KCNJ14: variants seen among roughly 807,000 people sequenced by gnomAD.
KCNJ14 encodes potassium inwardly rectifying channel subfamily J member 14.
In KCNJ14, 18 loss-of-function variants were observed where a neutral mutation model predicts 24.5. That is an observed-to-expected ratio of 0.74 (90% CI 0.51 to 1.09). The LOEUF (loss-of-function observed/expected upper bound fraction) is 1.09. Among genes scored for constraint, KCNJ14 ranks in the 50% least tolerant of loss-of-function variants. KCNJ14 has a pLI of 0.00. For missense variants in KCNJ14, 633 were observed against 623.0 expected (o/e 1.02, Z -0.17); for synonymous variants, 288 against 270.8 (o/e 1.06, Z -0.63).
intron 1 of KCNJ14, 42 bp from the exon 2 acceptor site, chr19:48,461,628 A>G: frequency 4.4e-6 from 3 of 682,442 alleles, no homozygotes; most frequent in South Asian, 2.9e-5. Flanking sequence ...GAGCTCATCC[A>G]TTCCTGTTGC....
rs1971653620 is a variant in KCNJ14, at chr19:48,466,209, C to T, written c.*1432C>T. 1 of 151,460 alleles carries T rather than the reference C, an allele frequency of 6.6e-6. No homozygotes were observed. Among genetic ancestry groups the T allele is most frequent in the Non-Finnish European group, 1.5e-5 (1 of 67,980 alleles). The allele number at this position is 151,460 out of a possible 1,614,324, so 9.4% of individuals were successfully genotyped here. A position where few individuals can be genotyped will look rare whatever the true frequency, so the allele number is the denominator to read the frequency against. ...TTTCTCCTGCCTCAGTCTCCTGAGTCGCTGGGATTACAGGCATGAGCCACT... is the reference window on the plus strand; with the variant it reads ...TTTCTCCTGCCTCAGTCTCCTGAGTTGCTGGGATTACAGGCATGAGCCACT... On this transcript the variant is annotated 3_prime_UTR_variant, in exon 3 of 3. Transcript: ENST00000342291.
chr19:48,460,893 G>A (rs1971586941), intron 1 of KCNJ14, among the ~76,000 whole-genome samples: 3 of 152,000 alleles, frequency 2.0e-5, no homozygotes, highest in African/African-American at 7.2e-5. Context: ...GGGTGGCTCA[G>A]GCCTGTAATC....
In KCNJ14 at chr19:48,464,990, C is replaced by T; in HGVS notation, c.*213C>T. On this transcript the variant is annotated 3_prime_UTR_variant, in exon 3 of 3. Coordinates refer to ENST00000342291, the MANE Select transcript of KCNJ14 (RefSeq NM_013348.4). ...CTGCTTCTGTGCTCCCTCCTGAGAA[C>T]CCTTTATGAGCCTGATTCCTCAGTC... 1.8e-6 allele frequency: 1 copy of T among 570,092 alleles called. No individual in the cohort carries two copies. The highest frequency in any genetic ancestry group is 3.1e-6 in the Non-Finnish European group (1 of 319,800). 35.3% of individuals were successfully genotyped at this position (570,092 alleles called of 1,614,324 possible). A position where few individuals can be genotyped will look rare whatever the true frequency, so the allele number is the denominator to read the frequency against.
chr19:48,461,898 C>T lies in KCNJ14; in HGVS notation c.174C>T (p.His58=), dbSNP rs747154078. 5.6e-6 allele frequency: 9 copies of T among 1,603,400 alleles called. No individual in the cohort carries two copies. In the Admixed American group the frequency reaches 1.0e-4, roughly 18 times the overall value. The part of the protein sequence containing the change: ...RRGRFVKKDG[H]CNVRFVNLGG... ...GTCGCTTCGTCAAGAAAGACGGGCA[C>T]TGCAACGTGCGTTTCGTAAACCTGG... Residue 58 remains histidine (H), a synonymous_variant, in exon 2 of 3, where the codon CAC becomes CAT. Transcript: ENST00000342291.
In KCNJ14 at chr19:48,464,681, C is replaced by T. The variant is rs374716744; in HGVS notation, c.1215C>T (p.Asp405=). Residue 405 remains aspartate, a synonymous_variant, in exon 3 of 3, where the codon GAC becomes GAT. Coordinates refer to ENST00000342291, the MANE Select transcript of KCNJ14 (RefSeq NM_013348.4). ...ALSCCQEEDE[D]DETEEGNGVE... is the part of the protein sequence containing the mutation. ...GCTGCTGCCAGGAGGAAGATGAGGA[C>T]GATGAGACTGAGGAAGGGAATGGGG... The T allele has an allele frequency of 4.3e-5, 69 of 1,613,744 alleles. 1 individual carries two copies. The highest frequency in any genetic ancestry group is 3.0e-4 in the South Asian group (27 of 91,090).
At position 48,461,876 on chromosome 19, in the gene KCNJ14, G is replaced by T; in HGVS notation, c.152G>T (p.Arg51Leu). The T allele has an allele frequency of 6.3e-7, 1 of 1,585,378 alleles. No homozygotes were observed. The change falls in exon 2 of 3, where the codon CGC becomes CTC. Residue 51 changes from arginine (R) to leucine (L), a missense_variant. Coordinates refer to ENST00000342291, the MANE Select transcript of KCNJ14 (RefSeq NM_013348.4). The stretch of plus-strand genomic sequence containing the variant: ...TCACCCGTGGGCCGGCGCCGCGGTC[G>T]CTTCGTCAAGAAAGACGGGCACTGC... ...VQSPVGRRRGRFVKKDGHCNV... is the reference protein window; with the variant it reads ...VQSPVGRRRGLFVKKDGHCNV...
At position 48,464,229 on chromosome 19, in the gene KCNJ14, G is replaced by A. The variant is rs755409231; in HGVS notation, c.763G>A (p.Val255Met). 10 of 1,614,054 alleles carry A rather than the reference G, an allele frequency of 6.2e-6. No individual in the cohort carries two copies. The highest frequency in any genetic ancestry group is 2.2e-5 in the East Asian group (1 of 44,894). The change falls in exon 3 of 3, where the codon GTG becomes ATG. Residue 255 changes from valine to methionine, a missense_variant. Physicochemically the swap from Val to Met is conservative, Grantham distance 21. Transcript: ENST00000342291. ...GTACATCCCGCTGGACCACCAGGAT[G>A]TGGATGTGGGCTTTGATGGAGGCAC... ...GEYIPLDHQD[V>M]DVGFDGGTDR...
In KCNJ14 at chr19:48,461,840, C is replaced by G. The variant is rs1178251199; in HGVS notation, c.116C>G (p.Ala39Gly). 6.6e-7 allele frequency: 1 copy of G among 1,522,548 alleles called. No homozygotes were observed. The allele number at this position is 1,522,548 out of a possible 1,614,324, so 94.3% of individuals were successfully genotyped here. ...TTGTGCCGCAACGGGTGGGCGCCGG[C>G]ACCGGTGCAGTCACCCGTGGGCCGG... ...PGLCRNGWAP[A>G]PVQSPVGRRR... The change falls in exon 2 of 3, where the codon GCA becomes GGA. Residue 39 changes from alanine (A) to glycine (G), a missense_variant. Transcript: ENST00000342291.
Position 48,464,677 on chromosome 19 carries a change from A to ATC in KCNJ14, c.1211_1212insTC (p.Glu404AspfsTer30). On this transcript the variant is annotated frameshift_variant, in exon 3 of 3. Coordinates refer to ENST00000342291, the MANE Select transcript of KCNJ14 (RefSeq NM_013348.4). LOFTEE classifies it high-confidence loss of function. ...CTGAGCTGCTGCCAGGAGGAAGATG[A>ATC]GGACGATGAGACTGAGGAAGGGAAT... 1.9e-6 allele frequency: 3 copies of ATC among 1,614,002 alleles called. No homozygotes were observed. In the South Asian group the frequency reaches 3.3e-5, roughly 18 times the overall value.
In KCNJ14 at chr19:48,465,227, C is replaced by T; in HGVS notation, c.*450C>T. The T allele has an allele frequency of 6.1e-6, 1 of 165,170 alleles. No homozygotes were observed. Among genetic ancestry groups the T allele is most frequent in the Non-Finnish European group, 1.3e-5 (1 of 74,996 alleles). 10.2% of individuals were successfully genotyped at this position (165,170 alleles called of 1,614,324 possible). On this transcript the variant is annotated 3_prime_UTR_variant, in exon 3 of 3. Transcript: ENST00000342291. ...AAGGGAGTGTTGCTTCTCAACTCAG[C>T]CAACTGAGTAGCAAATCATTTGTTC...
chr19:48,461,691 C>T lies in KCNJ14; in HGVS notation c.-34C>T. 1.5e-6 allele frequency: 2 copies of T among 1,350,266 alleles called. No homozygotes were observed. The highest frequency in any genetic ancestry group is 1.9e-6 in the Non-Finnish European group (2 of 1,044,870). The allele number at this position is 1,350,266 out of a possible 1,614,324, so 83.6% of individuals were successfully genotyped here. A position where few individuals can be genotyped will look rare whatever the true frequency, so the allele number is the denominator to read the frequency against. On this transcript the variant is annotated 5_prime_UTR_variant, in exon 2 of 3. Transcript: ENST00000342291. ...CCAGCAGGTTGGGGGCGCCTGCCCC[C>T]CACTAGGCCAAGTGGAGGGGGTCCC...
intron 1 of KCNJ14, among the ~76,000 whole-genome samples, chr19:48,457,176 A>G (rs1601008956): frequency 6.6e-6 from 1 of 151,710 alleles, no homozygotes; most frequent in Admixed American, 6.6e-5. Context: ...GGGTCTCGCC[A>G]TGTTCCCTAA....
At chr19:48,461,641 C>T (rs983348169) in intron 1 of KCNJ14, 29 bp from the exon 2 acceptor site, 69 of 823,142 alleles carry the variant, frequency 8.4e-5, no homozygotes, top group Non-Finnish European at 1.1e-4. Flanking sequence ...CCTGTTGCCC[C>T]TGACGTTTCT....
At position 48,464,668 on chromosome 19, in the gene KCNJ14, A is replaced by C. The variant is rs774985981; in HGVS notation, c.1202A>C (p.Glu401Ala). 1 of 1,613,892 alleles carries C rather than the reference A, an allele frequency of 6.2e-7. No individual in the cohort carries two copies. Among genetic ancestry groups the C allele is most frequent in the African/African-American group, 1.3e-5 (1 of 74,918 alleles). The change falls in exon 3 of 3, where the codon GAG (glutamate) becomes GCG (alanine). Residue 401 changes from glutamate (E) to alanine (A), a missense_variant. Coordinates refer to ENST00000342291, the MANE Select transcript of KCNJ14 (RefSeq NM_013348.4). Reference sequence around the variant, plus strand: ...GAACTTGCTCTGAGCTGCTGCCAGGAGGAAGATGAGGACGATGAGACTGAG... The same window carrying C: ...GAACTTGCTCTGAGCTGCTGCCAGGCGGAAGATGAGGACGATGAGACTGAG... ...ENELALSCCQ[E>A]EDEDDETEEG...
At chr19:48,461,550 A>AAAT in intron 1 of KCNJ14, 120 bp from the exon 2 acceptor site, 1 of 349,960 alleles carries the variant, frequency 2.9e-6, no homozygotes, top group Non-Finnish European at 4.8e-6. Flanking sequence ...AAAAAAAAAA[A>AAAT]TGCGTATCGT....
chr19:48,457,436 G>A (rs899649968), intron 1 of KCNJ14, among the ~76,000 whole-genome samples: 3 of 152,166 alleles, frequency 2.0e-5, no homozygotes, highest in Non-Finnish European at 4.4e-5. Context: ...GCCAGGACTG[G>A]GCCCTCATCC....
At position 48,461,968 on chromosome 19, in the gene KCNJ14, G is replaced by C. The variant is rs1425398618; in HGVS notation, c.244G>C (p.Val82Leu). The C allele has an allele frequency of 6.2e-7, 1 of 1,613,030 alleles. No homozygotes were observed. The highest frequency in any genetic ancestry group is 1.7e-5 in the Admixed American group (1 of 59,972). ...CCTGAGCGACCTGTTCACCACATGC[G>C]TGGACGTGCGCTGGCGCTGGATGTG... ...RYLSDLFTTC[V>L]DVRWRWMCLL... Residue 82 changes from valine (V) to leucine (L), a missense_variant, in exon 2 of 3, where the codon GTG becomes CTG. By Grantham distance (32) the Val-to-Leu change is conservative (BLOSUM62 1). Coordinates refer to ENST00000342291, the MANE Select transcript of KCNJ14 (RefSeq NM_013348.4).
At chr19:48,455,949 C>T (rs1971534487) in intron 1 of KCNJ14, 91 bp downstream of exon 1, 1 of 152,218 alleles carries the variant, frequency 6.6e-6, no homozygotes, top group Admixed American at 6.5e-5. Context: ...TGTTTGAAAC[C>T]AGAGTGCTCT....
Position 48,464,367 on chromosome 19 carries a change from G to T in KCNJ14, c.901G>T (p.Val301Phe), listed in dbSNP as rs1971633395. ...GGCCAGGGCTGACTTTGAGCTGGTG[G>T]TCATTCTCGAGGGGATGGTTGAGGC... Reference protein sequence around the residue: ...ELARADFELVVILEGMVEATA... With the variant: ...ELARADFELVFILEGMVEATA... Residue 301 changes from valine (V) to phenylalanine (F), a missense_variant, in exon 3 of 3, where the codon GTC becomes TTC. Val to Phe is a conservative substitution (Grantham distance 50). Transcript: ENST00000342291. 1 of 1,613,096 alleles carries T rather than the reference G, an allele frequency of 6.2e-7. No homozygotes were observed. The highest frequency in any genetic ancestry group is 8.5e-7 in the Non-Finnish European group (1 of 1,179,572).
Sources: allele counts gnomAD v4.1 joint callset (sites outside exome capture counted in the v4.1 genomes callset), GRCh38; gene constraint gnomAD v4.1.1; transcripts MANE v1.5; gene names NCBI Gene and HGNC (gene_info 2026-07-23, HGNC 2026-07-21).